The following PCM1 variants were observed in gnomAD, a reference collection of about 807,000 sequenced individuals.
The protein encoded by PCM1 is pericentriolar material 1 protein.
PCM1 carries 157 observed loss-of-function variants against 241.9 expected under a neutral mutation model. The ratio of observed to expected loss-of-function variants is 0.65; its 90% CI spans 0.57 to 0.74. The LOEUF (loss-of-function observed/expected upper bound fraction) is 0.74. Ranked by LOEUF, PCM1 falls within the 30% of genes least tolerant of loss-of-function variation. The pLI, the probability that PCM1 is intolerant of heterozygous loss-of-function variation, is 0.00. For missense variants in PCM1, 3,478 were observed against 2,360.1 expected (o/e 1.47, Z -9.81); for synonymous variants, 1,085 against 784.9 (o/e 1.38, Z -6.39).
rs1252826924 is a variant in PCM1, at chr8:17,953,098, G to C, written c.1200G>C (p.Met400Ile). ...PDEKVELFSK[M>I]RVLQEKKQKM... ...AGAAAGTCGAACTTTTTAGCAAAATGAGAGTGCTACAGGAAAAGAAACAAA... is the reference window on the plus strand; with the variant it reads ...AGAAAGTCGAACTTTTTAGCAAAATCAGAGTGCTACAGGAAAAGAAACAAA... The change falls in exon 9 of 39, where the codon ATG (methionine) becomes ATC (isoleucine). Residue 400 changes from methionine (M) to isoleucine (I), a missense_variant. By Grantham distance (10) the Met-to-Ile change is conservative. Transcript: ENST00000325083. 1.2e-6 allele frequency: 2 copies of C among 1,601,818 alleles called. No individual in the cohort carries two copies. The highest frequency in any genetic ancestry group is 8.5e-7 in the Non-Finnish European group (1 of 1,173,488).
chr8:17,925,128 C>T (rs535353291), intron 2 of PCM1: 4 of 152,324 alleles, frequency 2.6e-5, no homozygotes, highest in African/African-American at 4.8e-5. Context: ...CAAGTTCTCT[C>T]CTACAACATT....
intron 29 of PCM1, among the ~76,000 whole-genome samples, chr8:17,998,379 C>G (rs1015631543): frequency 6.6e-6 from 1 of 152,148 alleles, no homozygotes; most frequent in African/African-American, 2.4e-5. Flanking sequence ...ACTTGGGTCC[C>G]AAGCCCAAAA....
In PCM1 at chr8:18,027,875, T is replaced by C. The variant is rs80265660; in HGVS notation, c.*213T>C. On this transcript the variant is annotated 3_prime_UTR_variant, in exon 39 of 39. Coordinates refer to ENST00000325083, the MANE Select transcript of PCM1 (RefSeq NM_006197.4). ...TTGACACACTGTGTTTTTTTTTTTT[T>C]CCCCCTTCTTTTTTGGGTCTTCATT... 8,198 of 381,700 alleles carry C rather than the reference T, an allele frequency of 0.021. 89 individuals are homozygous for C. Among genetic ancestry groups the C allele is most frequent in the South Asian group, 0.048 (332 of 6,878 alleles). The allele number at this position is 381,700 out of a possible 1,614,324, so 23.6% of individuals were successfully genotyped here.
chr8:17,998,028 T>C (rs1166521346), intron 29 of PCM1, among the ~76,000 whole-genome samples: 4 of 146,900 alleles, frequency 2.7e-5, no homozygotes, highest in African/African-American at 1.0e-4. Flanking sequence ...AGAGCAAGGC[T>C]CCGTCTGAAA....
intron 23 of PCM1, among the ~76,000 whole-genome samples, chr8:17,976,319 C>A (rs1018836918): frequency 2.6e-5 from 4 of 152,148 alleles, no homozygotes; most frequent in African/African-American, 9.7e-5. Context: ...AACGATTGTC[C>A]CTTGAATGGT....
intron 14 of PCM1, 54 bp downstream of exon 14, chr8:17,960,219 T>G: frequency 6.4e-7 from 1 of 1,553,982 alleles, no homozygotes; most frequent in Non-Finnish European, 8.7e-7. Flanking sequence ...GTGCCTGTTT[T>G]GGAGAAGGTG....
At chr8:17,948,018 G>T (rs949563819) in intron 7 of PCM1, among the ~76,000 whole-genome samples, 1 of 151,932 alleles carries the variant, frequency 6.6e-6, no homozygotes, top group Non-Finnish European at 1.5e-5. Context: ...TTAGTTTCTC[G>T]TTAAATTGCA....
At chr8:18,025,487 C>T (rs747743639) in intron 37 of PCM1, 34 bp downstream of exon 37, 2 of 1,514,416 alleles carry the variant, frequency 1.3e-6, no homozygotes. Context: ...CTTGTCTTTA[C>T]ATAACAAATA....
At chr8:18,011,433 T>C (rs1233789051) in intron 33 of PCM1, 67 bp downstream of exon 33, 5 of 1,325,988 alleles carry the variant, frequency 3.8e-6, no homozygotes, top group Non-Finnish European at 5.0e-6. Flanking sequence ...TGGAACAGTT[T>C]GGTGGAGTGT....
chr8:18,014,021 G>C lies in PCM1; in HGVS notation c.5569G>C (p.Glu1857Gln). The C allele has an allele frequency of 6.3e-7, 1 of 1,590,438 alleles. No homozygotes were observed. The highest frequency in any genetic ancestry group is 8.6e-7 in the Non-Finnish European group (1 of 1,165,496). The change falls in exon 35 of 39, where the codon GAA (glutamate) becomes CAA (glutamine). Residue 1857 changes from glutamate to glutamine, a missense_variant. Glu to Gln is a conservative substitution (Grantham distance 29). Coordinates refer to ENST00000325083, the MANE Select transcript of PCM1 (RefSeq NM_006197.4). The stretch of plus-strand genomic sequence containing the variant: ...AAGCAAAAATGTCCCATTGGAACGA[G>C]AAGCCACTAGTAAAAGTAAGAAATC... ...AESKNVPLER[E>Q]ATSKNDQNNC... is the part of the protein sequence containing the mutation.
chr8:17,959,944 TTTA>T, intron 13 of PCM1, 67 bp from the exon 14 acceptor site: 2 of 1,429,558 alleles, frequency 1.4e-6, no homozygotes, highest in Non-Finnish European at 1.9e-6. Flanking sequence ...ACTAGTGGTA[TTTA>T]CTAAGGTATG....
intron 2 of PCM1, among the ~76,000 whole-genome samples, chr8:17,933,879 T>A (rs972740414): frequency 6.6e-6 from 1 of 152,132 alleles, no homozygotes; most frequent in African/African-American, 2.4e-5. Flanking sequence ...GTCCTTCATG[T>A]CTTATTTTAA....
chr8:17,931,604 A>C (rs541096112), intron 2 of PCM1, among the ~76,000 whole-genome samples: 66 of 152,330 alleles, frequency 4.3e-4, no homozygotes, highest in African/African-American at 1.5e-3. Context: ...TATTAATAGA[A>C]AGTATTGCTA....
chr8:17,948,554 TG>T (rs1283647164), intron 7 of PCM1, among the ~76,000 whole-genome samples: 8 of 151,962 alleles, frequency 5.3e-5, no homozygotes, highest in Non-Finnish European at 5.9e-5. Context: ...CTGCCCGCCT[TG>T]GCCTCCCAAA....
intron 7 of PCM1, among the ~76,000 whole-genome samples, chr8:17,949,371 T>G (rs2129457365): frequency 6.6e-6 from 1 of 152,278 alleles, no homozygotes; most frequent in East Asian, 1.9e-4. Flanking sequence ...TTCTTTCTTC[T>G]CAGCATAGAG....
At chr8:17,984,808 C>G (rs2082080508) in intron 24 of PCM1, among the ~76,000 whole-genome samples, 2 of 151,942 alleles carry the variant, frequency 1.3e-5, no homozygotes, top group African/African-American at 4.8e-5. Flanking sequence ...TTCTGTGAAA[C>G]TGAAAACTTC....
chr8:17,953,311 CT>C, intron 9 of PCM1, 125 bp downstream of exon 9: 1 of 476,368 alleles, frequency 2.1e-6, no homozygotes, highest in Non-Finnish European at 3.6e-6. Flanking sequence ...GGACTTAAGA[CT>C]TGCATATGAA....
intron 2 of PCM1, among the ~76,000 whole-genome samples, chr8:17,931,012 T>C (rs1168643793): frequency 6.6e-6 from 1 of 152,240 alleles, no homozygotes; most frequent in Non-Finnish European, 1.5e-5. Context: ...CAAAGTATTC[T>C]ACCCCCTATG....
chr8:18,021,021 C>T (rs1029904017), intron 36 of PCM1, among the ~76,000 whole-genome samples: 2 of 152,140 alleles, frequency 1.3e-5, no homozygotes, highest in Non-Finnish European at 2.9e-5. Flanking sequence ...ATGGCCAAGT[C>T]TGAAATTGAC....
Sources: gnomAD v4.1 joint callset for allele counts (sites outside exome capture counted in the v4.1 genomes callset) on GRCh38, gnomAD v4.1.1 for gene constraint, MANE v1.5 for transcripts, NCBI Gene and HGNC (gene_info 2026-07-23, HGNC 2026-07-21) for gene names.